Variants in SGPP2 observed in about 807,000 individuals in gnomAD.
The protein encoded by SGPP2 is sphingosine-1-phosphate phosphatase 2, also known as sphingosine 1-phosphate phosphohydrolase 2.
A neutral mutation model predicts 33.9 loss-of-function variants in SGPP2; 30 were observed. That is an observed-to-expected ratio of 0.89 (90% CI 0.66 to 1.20). SGPP2 has a LOEUF of 1.20. Ranked by LOEUF, SGPP2 falls within the 50% of genes most tolerant of loss-of-function variation. SGPP2 has a pLI of 0.00. For synonymous variants in SGPP2, 233 were observed against 225.0 expected, an observed-to-expected ratio of 1.04 and a Z score of -0.32; for missense variants, 458 against 532.1, an observed-to-expected ratio of 0.86 and a Z score of 1.37.
intron 4 of SGPP2, among the ~76,000 whole-genome samples, chr2:222,530,085 C>T (rs1318624731): frequency 1.3e-5 from 2 of 152,146 alleles, no homozygotes; most frequent in African/African-American, 4.8e-5. Flanking sequence ...AGCAGTAGGT[C>T]AAAACAATGG....
At chr2:222,529,854 G>A (rs1323923733) in intron 4 of SGPP2, among the ~76,000 whole-genome samples, 1 of 152,120 alleles carries the variant, frequency 6.6e-6, no homozygotes, top group Non-Finnish European at 1.5e-5. Context: ...ATCTATCAGA[G>A]GAATCACTAT....
Position 222,476,319 on chromosome 2 carries a change from A to G in SGPP2, c.378+1593A>G, listed in dbSNP as rs1697931678. 6.6e-6 allele frequency among the ~76,000 whole-genome samples: 1 copy of G among 152,102 alleles called. No individual in the cohort carries two copies. Among genetic ancestry groups the G allele is most frequent in the African/African-American group, 2.4e-5 (1 of 41,406 alleles). On this transcript the variant is annotated intron_variant, in intron 2 of 4. Coordinates refer to ENST00000321276, the MANE Select transcript of SGPP2 (RefSeq NM_152386.4). This position sits in a 1 kb window ranked among gnomAD's most constrained non-coding sequence, Gnocchi z 4.3. Reference sequence around the variant, plus strand: ...GTCCTGGGCCAGGGTGAGGGGTGGCAAGGGCGGGGTATCCACACAAATTCT... The same window carrying G: ...GTCCTGGGCCAGGGTGAGGGGTGGCGAGGGCGGGGTATCCACACAAATTCT...
chr2:222,525,850 T>C (rs79990317), intron 4 of SGPP2, among the ~76,000 whole-genome samples: 4,636 of 152,258 alleles, frequency 0.03, 98 homozygotes, highest in African/African-American at 0.055. Flanking sequence ...CACACGGGCC[T>C]TCTTGCTTCT....
At chr2:222,453,124 C>G (rs1221559399) in intron 1 of SGPP2, 17 of 417,540 alleles carry the variant, frequency 4.1e-5, no homozygotes, top group Non-Finnish European at 3.0e-5. Context: ...ATCCTCAGAT[C>G]CATGGAGGAA....
chr2:222,472,874 C>A (rs1040608055), intron 1 of SGPP2, among the ~76,000 whole-genome samples: 1 of 152,098 alleles, frequency 6.6e-6, no homozygotes, highest in African/African-American at 2.4e-5. Flanking sequence ...ATAAGCCAGG[C>A]ATGGTGGTGC....
At chr2:222,481,257 TAAAAA>T (rs1698025192) in intron 2 of SGPP2, among the ~76,000 whole-genome samples, 1 of 151,998 alleles carries the variant, frequency 6.6e-6, no homozygotes, top group South Asian at 2.1e-4. Flanking sequence ...AAAATTGAAA[TAAAAA>T]AGAAAAATGA....
At chr2:222,539,428 G>A (rs1698960387) in intron 4 of SGPP2, among the ~76,000 whole-genome samples, 1 of 152,224 alleles carries the variant, frequency 6.6e-6, no homozygotes, top group Non-Finnish European at 1.5e-5. Context: ...GGAATGTGGT[G>A]CTTACAAAGT....
intron 2 of SGPP2, among the ~76,000 whole-genome samples, chr2:222,479,665 A>C (rs1698000225): frequency 1.3e-5 from 2 of 151,766 alleles, no homozygotes; most frequent in South Asian, 4.2e-4. Context: ...AGCCTCCCAA[A>C]GTGCTGGGAT....
At chr2:222,457,053 A>C (rs1697584136) in intron 1 of SGPP2, among the ~76,000 whole-genome samples, 1 of 152,172 alleles carries the variant, frequency 6.6e-6, no homozygotes, top group Admixed American at 6.5e-5. Context: ...AAGAAAAAAA[A>C]ATCTTCAGAG....
At chr2:222,459,535 A>T (rs2106083040) in intron 1 of SGPP2, among the ~76,000 whole-genome samples, 1 of 152,166 alleles carries the variant, frequency 6.6e-6, no homozygotes, top group African/African-American at 2.4e-5. Context: ...TCAGACAATG[A>T]ATTGGTTTAG....
intron 2 of SGPP2, 80 bp from the exon 3 acceptor site, chr2:222,521,687 C>G (rs1156751416): frequency 4.0e-6 from 6 of 1,504,200 alleles, no homozygotes; most frequent in Non-Finnish European, 5.4e-6. Flanking sequence ...CCTGAGAACC[C>G]CAAAATATAT....
intron 1 of SGPP2, among the ~76,000 whole-genome samples, chr2:222,454,468 A>G (rs925615839): frequency 3.3e-5 from 5 of 152,362 alleles, no homozygotes; most frequent in East Asian, 1.9e-4. Flanking sequence ...ACTTGACTCT[A>G]TCTTGTGATA....
At chr2:222,478,550 G>A (rs1045856053) in intron 2 of SGPP2, among the ~76,000 whole-genome samples, 1 of 152,134 alleles carries the variant, frequency 6.6e-6, no homozygotes, top group Non-Finnish European at 1.5e-5. Context: ...CTTCTTCAAA[G>A]GGGTAGGGAT....
At chr2:222,483,719 A>G (rs1037282722) in intron 2 of SGPP2, among the ~76,000 whole-genome samples, 9 of 152,196 alleles carry the variant, frequency 5.9e-5, no homozygotes, top group Non-Finnish European at 1.2e-4. Flanking sequence ...TAAAGACAAG[A>G]GGGAAAAAGC....
chr2:222,510,683 C>CAG (rs747963485), intron 2 of SGPP2, among the ~76,000 whole-genome samples: 1 of 152,142 alleles, frequency 6.6e-6, no homozygotes, highest in Non-Finnish European at 1.5e-5. Context: ...GTTCATCCTG[C>CAG]AGAGGACTTA....
intron 4 of SGPP2, among the ~76,000 whole-genome samples, chr2:222,527,655 A>G (rs1054493644): frequency 2.0e-5 from 3 of 152,124 alleles, no homozygotes; most frequent in Non-Finnish European, 2.9e-5. Flanking sequence ...ATTGTCCCCA[A>G]CCCCATCTGT....
At position 222,476,638 on chromosome 2, in the gene SGPP2, A is replaced by G. The variant is rs891197244; in HGVS notation, c.378+1912A>G. Among the ~76,000 whole-genome samples the G allele has an allele frequency of 3.3e-5, 5 of 151,818 alleles. No homozygotes were observed. The highest frequency in any genetic ancestry group is 6.6e-5 in the Admixed American group (1 of 15,248). On this transcript the variant is annotated intron_variant, in intron 2 of 4. Transcript: ENST00000321276. This position sits in a 1 kb window ranked among gnomAD's most constrained non-coding sequence, Gnocchi z 4.3. ...ACATCTGAAAACCCTTGGAAAACCT[A>G]TGGGCTTGAGTTTCTTTCCTACTGT...
chr2:222,558,258 T>C, intron 4 of SGPP2, 89 bp from the exon 5 acceptor site: 2 of 1,347,898 alleles, frequency 1.5e-6, no homozygotes, highest in Admixed American at 4.2e-5. Context: ...GTGTTTTAAA[T>C]ATCAAATTAG....
chr2:222,437,002 T>A (rs1559143206), intron 1 of SGPP2, among the ~76,000 whole-genome samples: 1 of 152,198 alleles, frequency 6.6e-6, no homozygotes, highest in East Asian at 1.9e-4. Flanking sequence ...ATGGGCCCAT[T>A]GGGTGAAGAC....
Sources: gnomAD v4.1 joint callset for allele counts (sites outside exome capture counted in the v4.1 genomes callset) on GRCh38, gnomAD v4.1.1 for gene constraint, Gnocchi (gnomAD v3.1) non-coding constraint, MANE v1.5 for transcripts, NCBI Gene and HGNC (gene_info 2026-07-23, HGNC 2026-07-21) for gene names.